Variants in MAPT observed in about 807,000 individuals in gnomAD.
MAPT encodes microtubule-associated protein tau.
Under a neutral mutation model 67.9 loss-of-function variants are expected in MAPT, and 34 were observed. That is an observed-to-expected ratio of 0.50 (90% confidence interval 0.38 to 0.67). MAPT has a LOEUF of 0.67. Ranked by LOEUF, MAPT falls within the 30% of genes least tolerant of loss-of-function variation. The pLI, the probability that MAPT is intolerant of heterozygous loss-of-function variation, is 0.00. For synonymous variants in MAPT, 456 were observed against 464.5 expected (o/e 0.98, Z 0.23); for missense variants, 881 against 1,115.2 (o/e 0.79, Z 2.99).
At position 45,974,667 on chromosome 17, in the gene MAPT, C is replaced by T. The variant is rs2072129340; in HGVS notation, c.220+2722C>T. Reference sequence around the variant, plus strand: ...CTCAGTTACCTCCCTGGCTGCCTGCCAGCCTCTCAGAGCATTTAGGGCCTT... The same window carrying T: ...CTCAGTTACCTCCCTGGCTGCCTGCTAGCCTCTCAGAGCATTTAGGGCCTT... On this transcript the variant is annotated intron_variant, in intron 3 of 12. Coordinates refer to ENST00000262410, the MANE Select transcript of MAPT (RefSeq NM_001377265.1). 12 of 595,954 alleles carry T rather than the reference C, an allele frequency of 2.0e-5. No individual in the cohort carries two copies. In the South Asian group the frequency reaches 2.2e-4, roughly 11 times the overall value. The allele number at this position is 595,954 out of a possible 1,614,324, so 36.9% of individuals were successfully genotyped here.
intron 3 of MAPT, 64 bp downstream of exon 3, chr17:45,972,009 C>G: frequency 8.0e-7 from 1 of 1,244,446 alleles, no homozygotes; most frequent in Non-Finnish European, 1.2e-6. Flanking sequence ...CTTTGAGCCT[C>G]CCTCCTGGCT....
At position 46,010,480 on chromosome 17, in the gene MAPT, A is replaced by G; in HGVS notation, c.2091+78A>G. 2.0e-6 allele frequency: 2 copies of G among 994,198 alleles called. No homozygotes were observed. Among genetic ancestry groups the G allele is most frequent in the Non-Finnish European group, 3.1e-6 (2 of 638,944 alleles). 61.6% of individuals were successfully genotyped at this position (994,198 alleles called of 1,614,324 possible). ...AGTGGTGTGAGTGCGTACACTTGCG[A>G]GACACTGCATAGAATAAATCCTTCT... On this transcript the variant is annotated intron_variant, in intron 10 of 12. Transcript: ENST00000262410. This position sits in a 1 kb window ranked among gnomAD's most constrained non-coding sequence, Gnocchi z 4.7.
At chr17:45,919,212 G>A (rs2065466449) in intron 1 of MAPT, among the ~76,000 whole-genome samples, 1 of 152,138 alleles carries the variant, frequency 6.6e-6, no homozygotes, top group Admixed American at 6.6e-5. Flanking sequence ...AGCCCTGCCT[G>A]CTCCCTACCT....
chr17:46,012,496 G>A (rs2075884590), intron 10 of MAPT, among the ~76,000 whole-genome samples: 1 of 152,136 alleles, frequency 6.6e-6, no homozygotes, highest in African/African-American at 2.4e-5. Context: ...CTGGTGAGAA[G>A]AGATGCCAGC....
At chr17:45,969,990 C>T (rs911695041) in intron 2 of MAPT, among the ~76,000 whole-genome samples, 5 of 151,542 alleles carry the variant, frequency 3.3e-5, no homozygotes, top group Admixed American at 6.6e-5. Flanking sequence ...ATCAATCATA[C>T]ATACATCGAA....
intron 1 of MAPT, among the ~76,000 whole-genome samples, chr17:45,953,239 A>G (rs1322928930): frequency 1.3e-5 from 2 of 152,198 alleles, no homozygotes; most frequent in Non-Finnish European, 2.9e-5. Context: ...GACTGAGAAG[A>G]GTCACTTCAT....
chr17:45,921,169 A>G (rs2065677807), intron 1 of MAPT, among the ~76,000 whole-genome samples: 1 of 152,216 alleles, frequency 6.6e-6, no homozygotes, highest in African/African-American at 2.4e-5. Flanking sequence ...GAACACTTCT[A>G]CGCTTCTCCT....
intron 9 of MAPT, among the ~76,000 whole-genome samples, chr17:46,002,464 G>A (rs1327310103): frequency 1.3e-5 from 2 of 152,202 alleles, no homozygotes; most frequent in African/African-American, 2.4e-5. Context: ...CTGCCAGCGG[G>A]GAGAAGGGGG....
chr17:45,927,683 TC>T (rs1351614231), intron 1 of MAPT, among the ~76,000 whole-genome samples: 4 of 152,056 alleles, frequency 2.6e-5, no homozygotes, highest in African/African-American at 4.8e-5. Context: ...AGCTCTCTTC[TC>T]CTTTTCCCAG....
chr17:45,929,394 C>T (rs1331925570), intron 1 of MAPT, among the ~76,000 whole-genome samples: 2 of 152,164 alleles, frequency 1.3e-5, no homozygotes, highest in Non-Finnish European at 2.9e-5. Flanking sequence ...GTAATAGAAG[C>T]CCAAAGAAAT....
intron 4 of MAPT, among the ~76,000 whole-genome samples, chr17:45,982,041 AG>A: frequency 1.4e-5 from 2 of 147,262 alleles, no homozygotes; most frequent in Non-Finnish European, 3.1e-5. Flanking sequence ...AAAGAAAGAA[AG>A]AAAGGAAAAA....
rs1296074374 is a variant in MAPT at position 45,995,657 on chromosome 17, G to A, written c.1733-742G>A. Among the ~76,000 whole-genome samples the A allele has an allele frequency of 1.3e-5, 2 of 152,178 alleles. No individual in the cohort carries two copies. Among genetic ancestry groups the A allele is most frequent in the East Asian group, 1.9e-4 (1 of 5,180 alleles). ...AGCTTCCAGGGTGTTGGAAGGGTGC[G>A]CTAGTAACTGCTATGCATGGCAGGT... On this transcript the variant is annotated intron_variant, in intron 8 of 12. Coordinates refer to ENST00000262410, the MANE Select transcript of MAPT (RefSeq NM_001377265.1). This position sits in a 1 kb window ranked among gnomAD's most constrained non-coding sequence, Gnocchi z 4.3.
Position 45,935,780 on chromosome 17 carries a change from C to T in MAPT, c.-17-26541C>T, listed in dbSNP as rs553141302. Among the ~76,000 whole-genome samples the T allele has an allele frequency of 7.9e-4, 121 of 152,260 alleles. 1 individual carries two copies. In the South Asian group the frequency reaches 0.024, roughly 31 times the overall value. On this transcript the variant is annotated intron_variant, in intron 1 of 12. Transcript: ENST00000262410. ...TTTAGCACAGAGGAGGCTGTTTCAT[C>T]CCTTCAAGCCTGCCCTCCCTTCAAG...
At chr17:45,982,801 C>A in intron 4 of MAPT, 65 bp from the exon 5 acceptor site, 1 of 876,532 alleles carries the variant, frequency 1.1e-6, no homozygotes, top group Non-Finnish European at 1.4e-6. Flanking sequence ...CAGGATGATG[C>A]TCCCTCTCTT....
intron 1 of MAPT, among the ~76,000 whole-genome samples, chr17:45,912,192 G>A (rs1467406968): frequency 6.6e-6 from 1 of 152,160 alleles, no homozygotes; most frequent in East Asian, 1.9e-4. Context: ...TTAAAACACA[G>A]GGCATCTGTG....
chr17:46,002,934 C>T (rs933036585), intron 9 of MAPT, among the ~76,000 whole-genome samples: 1 of 152,062 alleles, frequency 6.6e-6, no homozygotes, highest in Non-Finnish European at 1.5e-5. Flanking sequence ...AGGCTTGCAC[C>T]ACAGTGCCCA....
At chr17:45,941,680 C>CTCCT (rs1223967453) in intron 1 of MAPT, among the ~76,000 whole-genome samples, 476 of 47,242 alleles carry the variant, frequency 0.01, 26 homozygotes, top group African/African-American at 0.03. Flanking sequence ...CCCCCCTTCC[C>CTCCT]TCCTTCCTTC....
chr17:45,998,325 G>A (rs1038456849), intron 9 of MAPT, among the ~76,000 whole-genome samples: 4 of 152,168 alleles, frequency 2.6e-5, no homozygotes, highest in South Asian at 2.1e-4. Flanking sequence ...GGACGGTCGG[G>A]TTAAAAGGGA....
chr17:45,954,900 CTT>C (rs1568227945), intron 1 of MAPT, among the ~76,000 whole-genome samples: 1 of 152,146 alleles, frequency 6.6e-6, no homozygotes. Context: ...AGGAGAATGT[CTT>C]GAACCCGGGA....
Sources: allele counts gnomAD v4.1 joint callset (sites outside exome capture counted in the v4.1 genomes callset), GRCh38; gene constraint gnomAD v4.1.1; non-coding constraint Gnocchi (gnomAD v3.1); transcripts MANE v1.5; gene names NCBI Gene and HGNC (gene_info 2026-07-23, HGNC 2026-07-21).